Variants in IGSF21 observed in about 807,000 individuals in gnomAD.
IGSF21 encodes the protein immunoglobin superfamily member 21, also known as immunoglobulin superfamily member 21.
Under a neutral mutation model 46.8 loss-of-function variants are expected in IGSF21, and 28 were observed. That is an observed-to-expected ratio of 0.60 (90% CI 0.44 to 0.82). IGSF21 has a LOEUF of 0.82. Among genes scored for constraint, IGSF21 ranks in the 40% least tolerant of loss-of-function variants. The probability of loss-of-function intolerance (pLI) is 0.00; values close to 1 mark genes in which losing one functional copy is unlikely to be tolerated. For synonymous variants in IGSF21, 284 were observed against 273.6 expected (o/e 1.04, Z -0.38); for missense variants, 624 against 665.5 (o/e 0.94, Z 0.69).
intron 1 of IGSF21, among the ~76,000 whole-genome samples, chr1:18,192,440 T>A (rs1451998283): frequency 6.6e-6 from 1 of 152,250 alleles, no homozygotes. Context: ...AGTCTGTATA[T>A]CTGCAACATA....
chr1:18,252,045 G>T (rs12725347), intron 2 of IGSF21, among the ~76,000 whole-genome samples: 3,079 of 72,084 alleles, frequency 0.043, 97 homozygotes, highest in Middle Eastern at 0.092. Context: ...TGACCAAGGC[G>T]TTTTTTTTTT....
intron 2 of IGSF21, among the ~76,000 whole-genome samples, chr1:18,230,913 C>T (rs2084618930): frequency 6.6e-6 from 1 of 151,938 alleles, no homozygotes; most frequent in Non-Finnish European, 1.5e-5. Context: ...TTCCCCATCT[C>T]CCTCTCCCCG....
intron 1 of IGSF21, among the ~76,000 whole-genome samples, chr1:18,186,739 G>A (rs1375953801): frequency 6.6e-6 from 1 of 152,220 alleles, no homozygotes; most frequent in East Asian, 1.9e-4. Context: ...TTTGCAGAGG[G>A]GGTTCAGTCC....
At chr1:18,347,371 T>C (rs542351426) in intron 4 of IGSF21, among the ~76,000 whole-genome samples, 26 of 152,146 alleles carry the variant, frequency 1.7e-4, no homozygotes, top group Non-Finnish European at 3.1e-4. Flanking sequence ...GGCGCTGAGA[T>C]TGGAGCTCAG....
At chr1:18,158,755 A>T (rs2124440609) in intron 1 of IGSF21, among the ~76,000 whole-genome samples, 1 of 152,280 alleles carries the variant, frequency 6.6e-6, no homozygotes, top group Non-Finnish European at 1.5e-5. Context: ...CCCATCTCTG[A>T]GCCATGTTCT....
At chr1:18,287,831 A>G (rs2085230383) in intron 2 of IGSF21, among the ~76,000 whole-genome samples, 1 of 151,918 alleles carries the variant, frequency 6.6e-6, no homozygotes, top group East Asian at 1.9e-4. Flanking sequence ...GGCACCTTCC[A>G]CCTGCCTCCC....
intron 1 of IGSF21, among the ~76,000 whole-genome samples, chr1:18,148,129 C>CTTTTTTTTTT (rs58426436): frequency 1.8e-5 from 2 of 108,322 alleles, no homozygotes; most frequent in African/African-American, 3.6e-5. Context: ...CAAGTATGTC[C>CTTTTTTTTTT]TTTTTTTTTT....
chr1:18,291,066 G>A (rs977821722), intron 2 of IGSF21, among the ~76,000 whole-genome samples: 2 of 152,214 alleles, frequency 1.3e-5, no homozygotes, highest in Non-Finnish European at 2.9e-5. Context: ...TTGCTGCTTC[G>A]TGGAGTAACA....
intron 2 of IGSF21, among the ~76,000 whole-genome samples, chr1:18,264,236 A>T (rs923498931): frequency 2.0e-5 from 3 of 152,144 alleles, no homozygotes; most frequent in Admixed American, 6.5e-5. Context: ...TTTCACAAGA[A>T]TCCCGTTAAG....
At chr1:18,244,038 G>C (rs183382946) in intron 2 of IGSF21, among the ~76,000 whole-genome samples, 3 of 152,202 alleles carry the variant, frequency 2.0e-5, no homozygotes, top group Non-Finnish European at 2.9e-5. Flanking sequence ...TCCAGATGGC[G>C]CTTGTTATCT....
intron 1 of IGSF21, among the ~76,000 whole-genome samples, chr1:18,121,299 G>T (rs892078344): frequency 6.6e-6 from 1 of 152,170 alleles, no homozygotes; most frequent in African/African-American, 2.4e-5. Flanking sequence ...AGTAGCTGGA[G>T]CTCAGGGAGT....
chr1:18,230,735 GGA>G (rs2084616756), intron 2 of IGSF21, among the ~76,000 whole-genome samples: 1 of 152,096 alleles, frequency 6.6e-6, no homozygotes, highest in Admixed American at 6.6e-5. Context: ...GCAGCTGAAG[GGA>G]GAGAGATAAG....
chr1:18,231,457 G>A (rs1432075594), intron 2 of IGSF21, among the ~76,000 whole-genome samples: 1 of 152,156 alleles, frequency 6.6e-6, no homozygotes, highest in Non-Finnish European at 1.5e-5. Context: ...TTACCCCCAT[G>A]GTCTGGCCAA....
chr1:18,174,657 C>T (rs983337349), intron 1 of IGSF21, among the ~76,000 whole-genome samples: 2 of 152,188 alleles, frequency 1.3e-5, no homozygotes, highest in Non-Finnish European at 2.9e-5. Context: ...GCAGTTTTGC[C>T]CACCCGATTC....
At chr1:18,123,215 C>T (rs966247464) in intron 1 of IGSF21, among the ~76,000 whole-genome samples, 1 of 152,202 alleles carries the variant, frequency 6.6e-6, no homozygotes, top group African/African-American at 2.4e-5. Context: ...GAACACCCCA[C>T]CTATGCTCAA....
intron 1 of IGSF21, among the ~76,000 whole-genome samples, chr1:18,175,817 C>A (rs984252927): frequency 6.6e-6 from 1 of 152,184 alleles, no homozygotes; most frequent in African/African-American, 2.4e-5. Context: ...AGGGAAGAGC[C>A]GGGTGAATTA....
chr1:18,262,773 C>T (rs2084957816), intron 2 of IGSF21, among the ~76,000 whole-genome samples: 1 of 152,166 alleles, frequency 6.6e-6, no homozygotes. Flanking sequence ...AAGTCCTTTC[C>T]ATCTGCAGCC....
intron 1 of IGSF21, among the ~76,000 whole-genome samples, chr1:18,175,035 G>A (rs931008868): frequency 2.0e-5 from 3 of 152,138 alleles, no homozygotes; most frequent in Admixed American, 6.5e-5. Context: ...GCCTGAAGTC[G>A]AGCACTTAGT....
intron 2 of IGSF21, among the ~76,000 whole-genome samples, chr1:18,248,786 A>G (rs1184648876): frequency 1.3e-5 from 2 of 152,008 alleles, no homozygotes; most frequent in Non-Finnish European, 2.9e-5. Flanking sequence ...GACTAAATAT[A>G]GCGTTGAACG....
Sources: gnomAD v4.1 joint callset for allele counts (sites outside exome capture counted in the v4.1 genomes callset) on GRCh38, gnomAD v4.1.1 for gene constraint, MANE v1.5 for transcripts, NCBI Gene and HGNC (gene_info 2026-07-23, HGNC 2026-07-21) for gene names.